KIF7: variants seen among roughly 807,000 people sequenced by gnomAD.
KIF7 encodes kinesin family member 7, also known as kinesin-like protein KIF7.
KIF7 carries 104 observed loss-of-function variants against 135.7 expected under a neutral mutation model. The ratio of observed to expected loss-of-function variants is 0.77; its 90% CI spans 0.65 to 0.90. The LOEUF (loss-of-function observed/expected upper bound fraction) is 0.90. Ranked by LOEUF, KIF7 falls within the 40% of genes least tolerant of loss-of-function variation. The pLI, the probability that KIF7 is intolerant of heterozygous loss-of-function variation, is 0.00. For synonymous variants in KIF7, 883 were observed against 809.4 expected (o/e 1.09, Z -1.54); for missense variants, 2,005 against 1,839.1 (o/e 1.09, Z -1.65).
At chr15:89,647,745 G>T in intron 5 of KIF7, 33 bp from the exon 6 acceptor site, 2 of 1,473,996 alleles carry the variant, frequency 1.4e-6, no homozygotes, top group Non-Finnish European at 1.8e-6. Flanking sequence ...TCAGGGGCGG[G>T]GGTTGACAGG....
intron 1 of KIF7, among the ~76,000 whole-genome samples, chr15:89,622,319 C>T (rs1015538443): frequency 1.3e-5 from 2 of 152,118 alleles, no homozygotes; most frequent in African/African-American, 4.8e-5. Flanking sequence ...CCCCTCTTCT[C>T]CCCTACTGCA....
chr15:89,627,228 C>G, downstream of KIF7: 1 of 995,004 alleles, frequency 1.0e-6, no homozygotes, highest in Admixed American at 2.6e-5. Flanking sequence ...TTTTCTAATT[C>G]CCCTTATGGA....
chr15:89,645,572 C>T, intron 8 of KIF7, 121 bp from the exon 9 acceptor site: 1 of 828,386 alleles, frequency 1.2e-6, no homozygotes, highest in Non-Finnish European at 2.0e-6. Context: ...TCAATATAAA[C>T]CCAGGATGTG....
chr15:89,630,201 G>A (rs914407609), intron 16 of KIF7, 86 bp downstream of exon 16: 165 of 1,269,990 alleles, frequency 1.3e-4, no homozygotes, highest in Non-Finnish European at 1.8e-4. Context: ...GGAGGAAACG[G>A]GATATCCGCT....
Position 89,638,234 on chromosome 15 carries a change from G to A in KIF7, c.2394+3969C>T, listed in dbSNP as rs1284534786. Among the ~76,000 whole-genome samples the A allele has an allele frequency of 2.9e-5, 3 of 105,104 alleles. 1 individual carries two copies. Among genetic ancestry groups the A allele is most frequent in the Non-Finnish European group, 6.5e-5 (3 of 46,254 alleles). The allele number at this position is 105,104 out of a possible 152,430, so 69.0% of individuals were successfully genotyped here. ...CTGGAAGCATTCCCTTTGAAAACTG[G>A]CACAAGACAGGGATGCCCTCTCTCA... On this transcript the variant is annotated intron_variant, in intron 11 of 18. Transcript: ENST00000394412.
chr15:89,633,856 C>G lies in KIF7; in HGVS notation c.2422G>C (p.Glu808Gln). ...QVLKEKKQAT[E>Q]RLVSLSAQSE... Reference sequence around the variant, plus strand: ...TGGGCCGACAGTGACACCAGCCGCTCCGTAGCCTGCTTCTTCTCCTTCAGC... The same window carrying G: ...TGGGCCGACAGTGACACCAGCCGCTGCGTAGCCTGCTTCTTCTCCTTCAGC... The change falls in exon 12 of 19, where the codon GAG (glutamate) becomes CAG (glutamine). Residue 808 changes from glutamate (E) to glutamine (Q), a missense_variant. Glu to Gln is a conservative substitution (Grantham distance 29). Coordinates refer to ENST00000394412, the MANE Select transcript of KIF7 (RefSeq NM_198525.3). 1 of 1,613,836 alleles carries G rather than the reference C, an allele frequency of 6.2e-7. No homozygotes were observed. The highest frequency in any genetic ancestry group is 8.5e-7 in the Non-Finnish European group (1 of 1,180,044).
chr15:89,640,780 G>A (rs537600638), intron 11 of KIF7, among the ~76,000 whole-genome samples: 11 of 150,324 alleles, frequency 7.3e-5, no homozygotes, highest in Admixed American at 6.7e-4. Context: ...GAGGTCAGGA[G>A]TTCAAGAGCA....
chr15:89,662,946 C>A, the KIF7 span, among the ~76,000 whole-genome samples: 1 of 152,230 alleles, frequency 6.6e-6, no homozygotes, highest in Non-Finnish European at 1.5e-5. Context: ...CTGGGCTGTC[C>A]TATTCCATAT....
chr15:89,638,215 G>A (rs866875511), intron 11 of KIF7, among the ~76,000 whole-genome samples: 1,571 of 111,610 alleles, frequency 0.014, 68 homozygotes, highest in African/African-American at 0.051. Flanking sequence ...AAAACTGGAA[G>A]CATTCCCTTT....
At chr15:89,656,450 C>T (rs916157723), upstream of KIF7, among the ~76,000 whole-genome samples, 12 of 151,734 alleles carry the variant, frequency 7.9e-5, no homozygotes, top group African/African-American at 2.2e-4. Context: ...GGATCAAGAG[C>T]ACTCCAAGCT....
upstream of KIF7, among the ~76,000 whole-genome samples, chr15:89,659,948 G>A (rs1181271770): frequency 6.6e-6 from 1 of 152,262 alleles, no homozygotes; most frequent in Non-Finnish European, 1.5e-5. Context: ...TGTAATCCCA[G>A]CTGTTCGGGG....
Position 89,617,689 on chromosome 15 carries a change from C to CT in KIF7, c.*75+339dup, listed in dbSNP as rs35732953. Among the ~76,000 whole-genome samples, 576 of 98,742 alleles carry CT rather than the reference C, an allele frequency of 5.8e-3. 8 individuals carry two copies. Among genetic ancestry groups the CT allele is most frequent in the East Asian group, 0.011 (42 of 3,662 alleles). 64.8% of individuals were successfully genotyped at this position (98,742 alleles called of 152,430 possible). ...GGTGTGTGCCACTGCACCCAGCTAT[C>CT]TTTTTTTTTTTTTTTTTTTTTGAGA... On this transcript the variant is annotated intron_variant and NMD_transcript_variant, in intron 2 of 2. Coordinates refer to the KIF7 transcript ENST00000558928.
chr15:89,619,902 G>C, intron 1 of KIF7: 1 of 1,535,974 alleles, frequency 6.5e-7, no homozygotes, highest in Admixed American at 2.2e-5. Context: ...AAGTGTTTTT[G>C]GGAAAAGAAG....
At position 89,648,351 on chromosome 15, in the gene KIF7, GC is replaced by G; in HGVS notation, c.1346del (p.Gly449AlafsTer6). 1 of 1,436,914 alleles carries G rather than the reference GC, an allele frequency of 7.0e-7. No homozygotes were observed. Among genetic ancestry groups the G allele is most frequent in the Non-Finnish European group, 9.2e-7 (1 of 1,092,434 alleles). The allele number at this position is 1,436,914 out of a possible 1,614,324, so 89.0% of individuals were successfully genotyped here. On this transcript the variant is annotated frameshift_variant, in exon 5 of 19. Coordinates refer to ENST00000394412, the MANE Select transcript of KIF7 (RefSeq NM_198525.3). LOFTEE classifies it high-confidence loss of function. ...AGGCGGAGCTCAGGGCGCTGCGCTC[GC>G]CCTCGACGGCGCACAGCCAGTCGCG... Reference protein sequence around the residue: ...KVRDWLCAVEGERSALSSASG... With the variant: ...KVRDWLCAVEXERSALSSASG...
At position 89,629,547 on chromosome 15, in the gene KIF7, G is replaced by C. The variant is rs142032413; in HGVS notation, c.3345C>G (p.His1115Gln). Reference sequence around the variant, plus strand: ...GTTCCGAGAAGGCAATCTGCTGCTGGTGCTGCTCCTCTCGGAGCGTCACCA... The same window carrying C: ...GTTCCGAGAAGGCAATCTGCTGCTGCTGCTGCTCCTCTCGGAGCGTCACCA... Reference protein sequence around the residue: ...DKVVTLREEQHQQQIAFSELE... With the variant: ...DKVVTLREEQQQQQIAFSELE... Residue 1115 changes from histidine (H) to glutamine (Q), a missense_variant, in exon 17 of 19, where the codon CAC becomes CAG. Physicochemically the swap from His to Gln is conservative, Grantham distance 24. Coordinates refer to ENST00000394412, the MANE Select transcript of KIF7 (RefSeq NM_198525.3). 30,701 of 1,608,834 alleles carry C rather than the reference G, an allele frequency of 0.019. 365 individuals carry two copies. Among genetic ancestry groups the C allele is most frequent in the Non-Finnish European group, 0.022 (25,782 of 1,179,966 alleles).
At chr15:89,623,760 G>C (rs772911593), downstream of KIF7, 3 of 1,613,810 alleles carry the variant, frequency 1.9e-6, no homozygotes, top group African/African-American at 4.0e-5. Context: ...CTACAAAGCA[G>C]GCAGCTTTTA....
intron 11 of KIF7, among the ~76,000 whole-genome samples, chr15:89,638,798 A>G (rs1358317608): frequency 2.0e-5 from 3 of 152,190 alleles, no homozygotes; most frequent in African/African-American, 7.2e-5. Flanking sequence ...AAACTACTTT[A>G]AAGTTCATAT....
chr15:89,618,121 G>A (rs1482538944), exon 2 of KIF7: 23 of 1,604,998 alleles, frequency 1.4e-5, no homozygotes, highest in Non-Finnish European at 1.9e-5. Flanking sequence ...CAAGTGGTAT[G>A]GAGTAATCCT....
chr15:89,635,049 A>AC (rs1242984475), intron 11 of KIF7, among the ~76,000 whole-genome samples: 2 of 151,884 alleles, frequency 1.3e-5, no homozygotes, highest in Non-Finnish European at 1.5e-5. Context: ...ACTGGGAGGC[A>AC]CCCCCCAGCA....
Sources: allele counts gnomAD v4.1 joint callset (sites outside exome capture counted in the v4.1 genomes callset), GRCh38; gene constraint gnomAD v4.1.1; transcripts MANE v1.5; gene names NCBI Gene and HGNC (gene_info 2026-07-23, HGNC 2026-07-21).